The following PICALM variants were observed in gnomAD, a reference collection of about 807,000 sequenced individuals.
The protein encoded by PICALM is phosphatidylinositol-binding clathrin assembly protein.
In PICALM, 40 loss-of-function variants were observed where a neutral mutation model predicts 80.5. The ratio of observed to expected loss-of-function variants is 0.50; its 90% CI spans 0.39 to 0.65. The LOEUF is 0.65. Among genes scored for constraint, PICALM ranks in the 30% least tolerant of loss-of-function variants. PICALM has a pLI of 0.00. For synonymous variants in PICALM, 288 were observed against 260.3 expected (o/e 1.11, Z -1.02); for missense variants, 676 against 778.9 (o/e 0.87, Z 1.57).
At chr11:85,992,267 A>G (rs2094805051) in intron 12 of PICALM, among the ~76,000 whole-genome samples, 1 of 147,026 alleles carries the variant, frequency 6.8e-6, no homozygotes. Flanking sequence ...TTAGGCTGAA[A>G]GTTCTGGGTG....
intron 9 of PICALM, 44 bp downstream of exon 9, chr11:86,003,322 C>T: frequency 8.4e-7 from 1 of 1,190,320 alleles, no homozygotes; most frequent in East Asian, 2.4e-5. Flanking sequence ...TCTACTGCCT[C>T]AGAAAAATCA....
intron 1 of PICALM, among the ~76,000 whole-genome samples, chr11:86,034,869 C>T (rs542520662): frequency 6.6e-6 from 1 of 152,294 alleles, no homozygotes; most frequent in Non-Finnish European, 1.5e-5. Context: ...ATTTCATATG[C>T]TCTTTCAACA....
At chr11:85,965,508 G>T (rs544548046) in intron 19 of PICALM, among the ~76,000 whole-genome samples, 35 of 152,216 alleles carry the variant, frequency 2.3e-4, no homozygotes, top group African/African-American at 7.7e-4. Context: ...ACATGACCAG[G>T]CCATTAGTGG....
chr11:86,063,569 T>C (rs1487391817), intron 1 of PICALM, among the ~76,000 whole-genome samples: 1 of 152,158 alleles, frequency 6.6e-6, no homozygotes, highest in African/African-American at 2.4e-5. Flanking sequence ...TAACTAGACA[T>C]ATCTGGGAGG....
intron 4 of PICALM, among the ~76,000 whole-genome samples, chr11:86,020,418 T>A (rs1183749272): frequency 2.0e-5 from 2 of 99,602 alleles, no homozygotes; most frequent in African/African-American, 8.5e-5. Flanking sequence ...GCTAAAACAA[T>A]CTTGGGAAAA....
At chr11:86,069,258 G>C (rs1382621751), upstream of PICALM, 1 of 175,088 alleles carries the variant, frequency 5.7e-6, no homozygotes, top group Non-Finnish European at 1.2e-5. Flanking sequence ...GATGGAACTC[G>C]CCAGGCGGGC....
intron 4 of PICALM, among the ~76,000 whole-genome samples, chr11:86,017,204 C>T (rs2095494490): frequency 7.2e-6 from 1 of 138,474 alleles, no homozygotes; most frequent in African/African-American, 2.7e-5. Context: ...GCCTGGGTGA[C>T]AGAGTGAGAC....
At chr11:86,026,184 T>TA (rs1275160019) in intron 3 of PICALM, 108 bp downstream of exon 3, 1 of 641,158 alleles carries the variant, frequency 1.6e-6, no homozygotes, top group Non-Finnish European at 2.8e-6. Context: ...TTCACTAAAA[T>TA]ATAAGGTTTA....
chr11:86,060,828 T>C (rs1229690076), intron 1 of PICALM, among the ~76,000 whole-genome samples: 3 of 151,748 alleles, frequency 2.0e-5, no homozygotes, highest in Non-Finnish European at 4.4e-5. Flanking sequence ...TGCAAAATTA[T>C]AAAGCTCCCA....
chr11:86,061,191 T>C (rs1593498237), intron 1 of PICALM, among the ~76,000 whole-genome samples: 1 of 151,826 alleles, frequency 6.6e-6, no homozygotes, highest in South Asian at 2.1e-4. Flanking sequence ...TAGCCAGGCA[T>C]GATGGTAGAC....
intron 1 of PICALM, among the ~76,000 whole-genome samples, chr11:86,034,591 C>G (rs1001560828): frequency 3.3e-5 from 5 of 151,974 alleles, no homozygotes; most frequent in Non-Finnish European, 7.4e-5. Context: ...TTATTTATCT[C>G]AATAACATAA....
intron 19 of PICALM, chr11:85,960,768 C>T: frequency 1.6e-6 from 2 of 1,287,220 alleles, no homozygotes; most frequent in Non-Finnish European, 2.0e-6. Context: ...GGGCTGGATG[C>T]TGCCGACAGC....
At chr11:86,063,239 G>A (rs1367326449) in intron 1 of PICALM, among the ~76,000 whole-genome samples, 1 of 152,090 alleles carries the variant, frequency 6.6e-6, no homozygotes, top group African/African-American at 2.4e-5. Flanking sequence ...TCATATAAAT[G>A]TCTCACAAAG....
intron 1 of PICALM, among the ~76,000 whole-genome samples, chr11:86,037,697 TAA>T (rs78694481): frequency 1.3e-5 from 2 of 148,306 alleles, no homozygotes; most frequent in African/African-American, 5.0e-5. Context: ...AGACACTGTC[TAA>T]AAAAAAAAAG....
intron 18 of PICALM, 53 bp downstream of exon 18, chr11:85,976,570 G>T: frequency 9.4e-7 from 1 of 1,062,376 alleles, no homozygotes; most frequent in Non-Finnish European, 1.5e-6. Flanking sequence ...ATAAAAACAT[G>T]TTATATATGA....
Position 86,003,593 on chromosome 11 carries a change from A to G in PICALM, c.808-142T>C, listed in dbSNP as rs1449047513. The stretch of plus-strand genomic sequence containing the variant: ...TTAACAGTGGAGTTTTAGCTACTTA[A>G]TAAGAATGACAATCTTACTTTTGTT... On this transcript the variant is annotated intron_variant, in intron 8 of 19. Transcript: ENST00000393346. 20 of 420,452 alleles carry G rather than the reference A, an allele frequency of 4.8e-5. No homozygotes were observed. In the Admixed American group the frequency reaches 7.6e-4, roughly 16 times the overall value. The allele number at this position is 420,452 out of a possible 1,614,324, so 26.0% of individuals were successfully genotyped here. A position where few individuals can be genotyped will look rare whatever the true frequency, so the allele number is the denominator to read the frequency against.
At position 86,001,047 on chromosome 11, in the gene PICALM, C is replaced by G; in HGVS notation, c.1005G>C (p.Leu335Phe). 1 of 1,614,060 alleles carries G rather than the reference C, an allele frequency of 6.2e-7. No individual in the cohort carries two copies. The highest frequency in any genetic ancestry group is 8.5e-7 in the Non-Finnish European group (1 of 1,179,956). The change falls in exon 10 of 20, where the codon TTG (leucine) becomes TTC (phenylalanine). Residue 335 changes from leucine to phenylalanine, a missense_variant. Leu to Phe is a conservative substitution (Grantham distance 22). Transcript: ENST00000393346. ...QAALEEEQAR[L>F]KALKEQRLKE... Reference sequence around the variant, plus strand: ...TGCACAAACTTACCTTTAAAGCTTTCAAACGTGCCTGTTCTTCCTCTAATG... The same window carrying G: ...TGCACAAACTTACCTTTAAAGCTTTGAAACGTGCCTGTTCTTCCTCTAATG...
chr11:85,988,789 T>TA (rs2094666866), intron 13 of PICALM, among the ~76,000 whole-genome samples: 1 of 152,116 alleles, frequency 6.6e-6, no homozygotes, highest in South Asian at 2.1e-4. Context: ...TACAACTTGC[T>TA]AAAAAAAGAA....
chr11:85,959,416 T>TGAGTTCGA (rs2093612410), intron 19 of PICALM, among the ~76,000 whole-genome samples: 1 of 151,848 alleles, frequency 6.6e-6, no homozygotes, highest in African/African-American at 2.4e-5. Flanking sequence ...TCACCTGAGG[T>TGAGTTCGA]GAGTTCGAGA....
Sources: gnomAD v4.1 joint callset for allele counts (sites outside exome capture counted in the v4.1 genomes callset) on GRCh38, gnomAD v4.1.1 for gene constraint, MANE v1.5 for transcripts, NCBI Gene and HGNC (gene_info 2026-07-23, HGNC 2026-07-21) for gene names.